The following TPPP2 variants were observed in gnomAD, a reference collection of about 807,000 sequenced individuals.
The protein encoded by TPPP2 is tubulin polymerization-promoting protein family member 2.
In TPPP2, 8 loss-of-function variants were observed where a neutral mutation model predicts 13.0. That is an observed-to-expected ratio of 0.62 (90% CI 0.36 to 1.11). The LOEUF (loss-of-function observed/expected upper bound fraction) is 1.11, where lower values mean the gene tolerates loss of function less well. TPPP2 is among the 50% of genes most tolerant of loss of function. The pLI is 0.02. For synonymous variants in TPPP2, 81 were observed against 81.8 expected (o/e 0.99, Z 0.05); for missense variants, 213 against 216.9 (o/e 0.98, Z 0.11).
downstream of TPPP2, chr14:21,033,181 G>A (rs562786522): frequency 4.6e-5 from 17 of 366,956 alleles, no homozygotes; most frequent in African/African-American, 2.8e-4. Flanking sequence ...TGTTGGGAGT[G>A]TGGGGGAGAC....
In TPPP2 at chr14:21,032,587, A is replaced by T. The variant is rs1036487394; in HGVS notation, c.*510A>T. On this transcript the variant is annotated 3_prime_UTR_variant, in exon 4 of 4. Coordinates refer to ENST00000321760, the MANE Select transcript of TPPP2 (RefSeq NM_173846.5). ...AGCCAGCTAAGGTTGCCTGACTTCT[A>T]TTACAAATTTGTTCCAGAGCTGGGG... The T allele has an allele frequency of 2.9e-6, 1 of 344,882 alleles. No homozygotes were observed. Among genetic ancestry groups the T allele is most frequent in the Non-Finnish European group, 5.7e-6 (1 of 176,850 alleles). The allele number at this position is 344,882 out of a possible 1,614,324, so 21.4% of individuals were successfully genotyped here.
At chr14:21,032,882 C>CA (rs1204934004), downstream of TPPP2, 1 of 451,094 alleles carries the variant, frequency 2.2e-6, no homozygotes. Context: ...AAAAATGGTA[C>CA]AGAGGGGGCT....
At position 21,032,103 on chromosome 14, in the gene TPPP2, G is replaced by T. The variant is rs1457483488; in HGVS notation, c.*26G>T. 1.9e-6 allele frequency: 3 copies of T among 1,605,416 alleles called. No homozygotes were observed. In the African/African-American group the frequency reaches 4.0e-5, roughly 21 times the overall value. ...AGAGGAGCTTCATCTCAGCCTGCTA[G>T]CCCCCTGACCCTGCATGTTTAACAC... On this transcript the variant is annotated 3_prime_UTR_variant, in exon 4 of 4. Transcript: ENST00000321760.
chr14:21,031,594 G>C (rs1226680767), intron 3 of TPPP2, among the ~76,000 whole-genome samples: 1 of 152,028 alleles, frequency 6.6e-6, no homozygotes, highest in Non-Finnish European at 1.5e-5. Flanking sequence ...CGGGGAGTGG[G>C]AGTGAAGTCC....
intron 3 of TPPP2, among the ~76,000 whole-genome samples, chr14:21,031,570 A>G (rs1884151834): frequency 2.0e-5 from 3 of 152,098 alleles, no homozygotes; most frequent in African/African-American, 7.2e-5. Flanking sequence ...CTCTTTCTAC[A>G]GTGGATATTG....
downstream of TPPP2, chr14:21,036,031 C>A: frequency 5.3e-6 from 2 of 377,388 alleles, no homozygotes; most frequent in South Asian, 2.0e-5. Context: ...TTTTACCTCA[C>A]GGCAGTATGA....
chr14:21,027,862 A>C (rs1952524), upstream of TPPP2, among the ~76,000 whole-genome samples: 1 of 151,972 alleles, frequency 6.6e-6, no homozygotes, highest in Non-Finnish European at 1.5e-5. Context: ...CAACCATGGA[A>C]TACTTGAGTG....
rs1441991787 is a variant in TPPP2 at position 21,032,152 on chromosome 14, C to T, written c.*75C>T. ...ACCAGGGAGCTTGGAAAACAATAAA[C>T]ATCTGTGTGTGCAGCAGCCAAAATC... is the stretch of plus-strand genomic sequence containing the variant. On this transcript the variant is annotated 3_prime_UTR_variant, in exon 4 of 4. Coordinates refer to ENST00000321760, the MANE Select transcript of TPPP2 (RefSeq NM_173846.5). 7 of 1,480,266 alleles carry T rather than the reference C, an allele frequency of 4.7e-6. No homozygotes were observed. The highest frequency in any genetic ancestry group is 6.6e-6 in the Non-Finnish European group (7 of 1,065,282). The allele number at this position is 1,480,266 out of a possible 1,614,324, so 91.7% of individuals were successfully genotyped here.
intron 2 of TPPP2, 70 bp downstream of exon 2, chr14:21,030,824 C>T (rs370451232): frequency 3.2e-6 from 5 of 1,564,474 alleles, no homozygotes; most frequent in African/African-American, 1.3e-5. Flanking sequence ...GAAGGGTTCA[C>T]GTGGTGGAAC....
upstream of TPPP2, among the ~76,000 whole-genome samples, chr14:21,027,522 C>A (rs190146268): frequency 5.9e-5 from 9 of 152,276 alleles, no homozygotes; most frequent in Non-Finnish European, 1.2e-4. Flanking sequence ...AGTTTCCCAC[C>A]CTTCTCAAGT....
At chr14:21,027,552 A>G (rs948520790), upstream of TPPP2, among the ~76,000 whole-genome samples, 1 of 152,164 alleles carries the variant, frequency 6.6e-6, no homozygotes, top group Non-Finnish European at 1.5e-5. Context: ...GAGATTTCCA[A>G]CCCCACATAA....
Position 21,031,856 on chromosome 14 carries a change from A to G in TPPP2, c.328-36A>G, listed in dbSNP as rs1205604326. The stretch of plus-strand genomic sequence containing the variant: ...GGGGAAGGGATATGACAGCGTAAGG[A>G]AAGGAAGAGAGCTCAAATCCATCCC... On this transcript the variant is annotated intron_variant, in intron 3 of 3. Coordinates refer to ENST00000321760, the MANE Select transcript of TPPP2 (RefSeq NM_173846.5). The G allele has an allele frequency of 6.2e-6, 10 of 1,602,310 alleles. No homozygotes were observed. The African/African-American group carries it at 1.3e-4, about 21-fold the overall frequency.
chr14:21,029,640 A>G (rs1328720838), upstream of TPPP2, among the ~76,000 whole-genome samples: 4 of 152,148 alleles, frequency 2.6e-5, no homozygotes, highest in South Asian at 2.1e-4. Flanking sequence ...CCTAACTCCC[A>G]AAGTCATGGT....
chr14:21,035,518 G>A (rs903018086), downstream of TPPP2, among the ~76,000 whole-genome samples: 1 of 152,174 alleles, frequency 6.6e-6, no homozygotes, highest in Admixed American at 6.5e-5. Flanking sequence ...ACTCAGCCTT[G>A]TTAGTCTGCA....
upstream of TPPP2, among the ~76,000 whole-genome samples, chr14:21,026,461 C>A (rs1452818397): frequency 1.3e-5 from 2 of 151,160 alleles, no homozygotes; most frequent in East Asian, 2.0e-4. Context: ...ACTGCCCCCC[C>A]AAGACCCCCA....
At chr14:21,031,188 T>C (rs1884092625) in intron 3 of TPPP2, 23 bp downstream of exon 3, 1 of 1,609,358 alleles carries the variant, frequency 6.2e-7, no homozygotes, top group East Asian at 2.2e-5. Context: ...CTTCATCCCC[T>C]TGACCCTACT....
downstream of TPPP2, chr14:21,034,042 G>A: frequency 6.2e-7 from 1 of 1,614,130 alleles, no homozygotes. Flanking sequence ...CAGAACTTCT[G>A]GATGGCCTTC....
downstream of TPPP2, chr14:21,033,762 G>T: frequency 8.6e-7 from 1 of 1,156,982 alleles, no homozygotes; most frequent in Non-Finnish European, 1.3e-6. Flanking sequence ...GGATCAGAGT[G>T]TTGGAAATGG....
downstream of TPPP2, chr14:21,034,010 A>C (rs138477527): frequency 8.7e-5 from 140 of 1,614,022 alleles, no homozygotes; most frequent in African/African-American, 1.7e-3. Context: ...TGTAATTCTC[A>C]CAGAAGCTGT....
Sources: allele counts gnomAD v4.1 joint callset (sites outside exome capture counted in the v4.1 genomes callset), GRCh38; gene constraint gnomAD v4.1.1; transcripts MANE v1.5; gene names NCBI Gene and HGNC (gene_info 2026-07-23, HGNC 2026-07-21).